SPON1: variants seen among roughly 807,000 people sequenced by gnomAD.
SPON1 encodes the protein spondin 1.
In SPON1, 52 loss-of-function variants were observed where a neutral mutation model predicts 111.7. The ratio of observed to expected loss-of-function variants is 0.47; its 90% CI spans 0.37 to 0.59. SPON1 has a LOEUF of 0.59. Among genes scored for constraint, SPON1 ranks in the 20% least tolerant of loss-of-function variants. The pLI is 0.00. For synonymous variants in SPON1, 410 were observed against 395.8 expected (o/e 1.04, Z -0.43); for missense variants, 957 against 1,068.5 (o/e 0.90, Z 1.46).
intron 6 of SPON1, among the ~76,000 whole-genome samples, chr11:14,175,366 C>T (rs1036086913): frequency 6.6e-6 from 1 of 152,210 alleles, no homozygotes; most frequent in East Asian, 1.9e-4. Context: ...GTTAAGGACA[C>T]AAAACAAGAC....
At chr11:14,020,395 G>T (rs1394854080) in intron 2 of SPON1, among the ~76,000 whole-genome samples, 1 of 152,224 alleles carries the variant, frequency 6.6e-6, no homozygotes, top group Admixed American at 6.5e-5. Flanking sequence ...AGGTCAGAGT[G>T]ACCATTGCCA....
At chr11:14,207,140 A>T (rs1848526040) in intron 6 of SPON1, among the ~76,000 whole-genome samples, 1 of 152,230 alleles carries the variant, frequency 6.6e-6, no homozygotes, top group African/African-American at 2.4e-5. Flanking sequence ...TGGGGAAAGG[A>T]TTTCCTGTTC....
rs1848426611 is a variant in SPON1, at chr11:14,014,108, C to T, written c.346-27413C>T. Among the ~76,000 whole-genome samples, 3 of 152,130 alleles carry T rather than the reference C, an allele frequency of 2.0e-5. No individual in the cohort carries two copies. In the South Asian group the frequency reaches 6.2e-4, roughly 32 times the overall value. ...CACATACTCCCGTCTCTGGCCCAGC[C>T]CAAACTGCCTTGGCTTACCTGAGGC... On this transcript the variant is annotated intron_variant, in intron 2 of 15. Transcript: ENST00000576479.
At chr11:14,113,981 A>G (rs782430093) in intron 5 of SPON1, among the ~76,000 whole-genome samples, 2 of 152,186 alleles carry the variant, frequency 1.3e-5, no homozygotes, top group African/African-American at 2.4e-5. Context: ...TGATACAGGC[A>G]TGCAATGTGA....
chr11:13,980,859 C>T (rs1848138483), intron 1 of SPON1, among the ~76,000 whole-genome samples: 1 of 152,134 alleles, frequency 6.6e-6, no homozygotes, highest in South Asian at 2.1e-4. Flanking sequence ...TCAAATCTGA[C>T]CCTAAGTTGC....
Position 14,193,381 on chromosome 11 carries a change from A to G in SPON1, c.826-49951A>G, listed in dbSNP as rs79280561. Reference sequence around the variant, plus strand: ...CAATCTTGAAGGTACCCCATGCCGAACCTCATCACTGACAGCTTGTGAAGG... The same window carrying G: ...CAATCTTGAAGGTACCCCATGCCGAGCCTCATCACTGACAGCTTGTGAAGG... On this transcript the variant is annotated intron_variant, in intron 6 of 15. Transcript: ENST00000576479. Among the ~76,000 whole-genome samples, 683 of 152,296 alleles carry G rather than the reference A, an allele frequency of 4.5e-3. 5 individuals carry two copies. The highest frequency in any genetic ancestry group is 0.016 in the African/African-American group (663 of 41,568).
chr11:14,256,777 C>T, intron 10 of SPON1, 85 bp downstream of exon 10: 3 of 1,018,148 alleles, frequency 2.9e-6, no homozygotes, highest in Middle Eastern at 2.1e-4. Context: ...TTTTAAGAAC[C>T]ATAAACCATG....
At chr11:14,213,984 A>G (rs1848602231) in intron 6 of SPON1, among the ~76,000 whole-genome samples, 1 of 152,194 alleles carries the variant, frequency 6.6e-6, no homozygotes, top group Admixed American at 6.5e-5. Context: ...CAAGCACACA[A>G]TCATGTTGTT....
rs370899072 is a variant in SPON1 at position 14,036,789 on chromosome 11, G to A, written c.346-4732G>A. On this transcript the variant is annotated intron_variant, in intron 2 of 15. Coordinates refer to ENST00000576479, the MANE Select transcript of SPON1 (RefSeq NM_006108.4). ...CAGTAGTGGAAGATGAGTAGCCAAA[G>A]AAAGTGGAGAGAGTGGATGGGGGAA... Among the ~76,000 whole-genome samples, 10 of 152,238 alleles carry A rather than the reference G, an allele frequency of 6.6e-5. No homozygotes were observed. In the East Asian group the frequency reaches 9.7e-4, roughly 15 times the overall value.
chr11:14,153,416 A>G (rs930925615), intron 6 of SPON1, among the ~76,000 whole-genome samples: 1 of 152,176 alleles, frequency 6.6e-6, no homozygotes, highest in African/African-American at 2.4e-5. Context: ...GGAAGCCAGC[A>G]TGTCCTATAA....
chr11:14,083,212 C>A (rs1046769093), intron 5 of SPON1, among the ~76,000 whole-genome samples: 2 of 152,120 alleles, frequency 1.3e-5, no homozygotes, highest in Non-Finnish European at 2.9e-5. Flanking sequence ...GTTTTTGCAA[C>A]TGTCTTTTCT....
chr11:14,215,723 T>C (rs530576867), intron 6 of SPON1, among the ~76,000 whole-genome samples: 12 of 152,294 alleles, frequency 7.9e-5, no homozygotes, highest in African/African-American at 2.9e-4. Context: ...GTTAAGCTGT[T>C]GTAATAAAGA....
chr11:14,155,982 C>A (rs1414000783), intron 6 of SPON1, among the ~76,000 whole-genome samples: 1 of 129,976 alleles, frequency 7.7e-6, no homozygotes, highest in African/African-American at 2.7e-5. Flanking sequence ...GTCTTTATAG[C>A]AGCATGATTT....
chr11:13,980,823 A>G (rs1848138235), intron 1 of SPON1, among the ~76,000 whole-genome samples: 1 of 152,226 alleles, frequency 6.6e-6, no homozygotes, highest in African/African-American at 2.4e-5. Flanking sequence ...AGCCTTGGAT[A>G]TAGTGTTAAA....
intron 6 of SPON1, among the ~76,000 whole-genome samples, chr11:14,194,528 TCACACACACACACACACACACA>T (rs372569370): frequency 1.9e-5 from 2 of 106,864 alleles, no homozygotes; most frequent in African/African-American, 7.7e-5. Flanking sequence ...TAGGCCTACT[TCACACACACACACACACACACA>T]CACACACACA....
chr11:14,219,922 A>G (rs1291742671), intron 6 of SPON1, among the ~76,000 whole-genome samples: 2 of 152,014 alleles, frequency 1.3e-5, no homozygotes, highest in Non-Finnish European at 2.9e-5. Context: ...CCCCATCTCT[A>G]CAAAAAGTAC....
intron 5 of SPON1, among the ~76,000 whole-genome samples, chr11:14,094,888 C>A (rs541582269): frequency 1.3e-4 from 20 of 152,246 alleles, no homozygotes; most frequent in Non-Finnish European, 4.4e-5. Flanking sequence ...AGTTAGTGGG[C>A]AATGGTGTGG....
At position 14,074,551 on chromosome 11, in the gene SPON1, T is replaced by A. The variant is rs116708665; in HGVS notation, c.480-794T>A. On this transcript the variant is annotated intron_variant, in intron 3 of 15. Transcript: ENST00000576479. Reference sequence around the variant, plus strand: ...TGCTGAAGAAAATCAGTAGAAGTGGTCCAAGATCCTTTCGCATTGTCTCAG... The same window carrying A: ...TGCTGAAGAAAATCAGTAGAAGTGGACCAAGATCCTTTCGCATTGTCTCAG... 6.8e-3 allele frequency among the ~76,000 whole-genome samples: 1,037 copies of A among 152,326 alleles called. 22 individuals are homozygous for A. The highest frequency in any genetic ancestry group is 0.024 in the African/African-American group (998 of 41,564).
intron 6 of SPON1, among the ~76,000 whole-genome samples, chr11:14,216,419 C>G (rs979821543): frequency 6.6e-6 from 1 of 152,202 alleles, no homozygotes; most frequent in Non-Finnish European, 1.5e-5. Context: ...CTATTTGAAT[C>G]TCTCACTGGA....
Sources: allele counts gnomAD v4.1 joint callset (sites outside exome capture counted in the v4.1 genomes callset), GRCh38; gene constraint gnomAD v4.1.1; transcripts MANE v1.5; gene names NCBI Gene and HGNC (gene_info 2026-07-23, HGNC 2026-07-21).